INSR: variants seen among roughly 807,000 people sequenced by gnomAD.
The protein encoded by INSR is insulin receptor.
INSR carries 67 observed loss-of-function variants against 142.6 expected under a neutral mutation model. The observed-to-expected ratio is 0.47, with a 90% CI of 0.39 to 0.58. The LOEUF is 0.58. INSR is among the 20% of genes least tolerant of loss of function. The pLI, the probability that INSR is intolerant of heterozygous loss-of-function variation, is 0.00. For synonymous variants in INSR, 756 were observed against 743.1 expected, an observed-to-expected ratio of 1.02 and a Z score of -0.28; for missense variants, 1,248 against 1,833.2, an observed-to-expected ratio of 0.68 and a Z score of 5.83.
In INSR at chr19:7,158,456, A is replaced by G. The variant is rs371088706; in HGVS notation, c.2029+4576T>C. Among the ~76,000 whole-genome samples, 298 of 152,230 alleles carry G rather than the reference A, an allele frequency of 2.0e-3. 8 individuals carry two copies. The South Asian group carries it at 0.045, about 23-fold the overall frequency. On this transcript the variant is annotated intron_variant, in intron 9 of 21. Coordinates refer to ENST00000302850, the MANE Select transcript of INSR (RefSeq NM_000208.4). ...GCGGAGCTTGCAGTGAGCCGAGATC[A>G]CGCCACTGAACTCCAGCCTGGGTGA...
intron 2 of INSR, among the ~76,000 whole-genome samples, chr19:7,215,556 G>GTATTTATTTATTTATTTATTTATTTATT (rs146786396): frequency 1.3e-4 from 19 of 148,406 alleles, no homozygotes; most frequent in African/African-American, 4.2e-4. Flanking sequence ...TCCTTTTCCT[G>GTATTTATTTATTTATTTATTTATTTATT]TATTTATTTA....
At chr19:7,268,350 C>T (rs1464953518) in intron 1 of INSR, 1 of 822,182 alleles carries the variant, frequency 1.2e-6, no homozygotes, top group South Asian at 5.5e-5. Context: ...TCCCACCTCG[C>T]TGGCTGACTT....
chr19:7,194,443 C>T (rs954178180), intron 2 of INSR, among the ~76,000 whole-genome samples: 1 of 150,338 alleles, frequency 6.7e-6, no homozygotes, highest in African/African-American at 2.4e-5. Context: ...ATTATCTTTG[C>T]CTTATTACAA....
At chr19:7,217,267 C>T (rs1234226169) in intron 2 of INSR, among the ~76,000 whole-genome samples, 5 of 152,078 alleles carry the variant, frequency 3.3e-5, no homozygotes, top group African/African-American at 7.2e-5. Context: ...TTTTCTTGGC[C>T]GTAGCATTTC....
At chr19:7,167,135 A>G (rs1460733551) in intron 7 of INSR, among the ~76,000 whole-genome samples, 1 of 152,192 alleles carries the variant, frequency 6.6e-6, no homozygotes, top group African/African-American at 2.4e-5. Context: ...ATTTTGGAGC[A>G]TTATAAATTT....
chr19:7,256,127 T>A (rs1023148040), intron 2 of INSR, among the ~76,000 whole-genome samples: 41 of 152,146 alleles, frequency 2.7e-4, no homozygotes, highest in African/African-American at 9.6e-4. Context: ...TTATTTTATT[T>A]TAAAATAAAA....
intron 2 of INSR, 64 bp from the exon 3 acceptor site, chr19:7,184,701 A>G (rs1599959179): frequency 8.6e-7 from 1 of 1,163,474 alleles, no homozygotes; most frequent in South Asian, 2.1e-5. Context: ...TAAATAAATA[A>G]ATAAATGGCT....
intron 13 of INSR, among the ~76,000 whole-genome samples, chr19:7,138,411 G>A (rs1972991208): frequency 1.3e-5 from 2 of 152,126 alleles, no homozygotes; most frequent in African/African-American, 4.8e-5. Flanking sequence ...TTCTTGCTCT[G>A]TCACCCAGTC....
chr19:7,286,728 C>A (rs1435389453), intron 1 of INSR, among the ~76,000 whole-genome samples: 2 of 151,170 alleles, frequency 1.3e-5, no homozygotes, highest in African/African-American at 4.9e-5. Context: ...TTTTTTTTTC[C>A]TTTCTACACT....
intron 13 of INSR, among the ~76,000 whole-genome samples, chr19:7,133,847 G>A (rs1972843535): frequency 6.6e-6 from 1 of 152,204 alleles, no homozygotes; most frequent in Non-Finnish European, 1.5e-5. Flanking sequence ...GGGTGACAGA[G>A]CAAGACTCCA....
intron 1 of INSR, among the ~76,000 whole-genome samples, chr19:7,287,850 C>G (rs888544258): frequency 6.6e-6 from 1 of 152,184 alleles, no homozygotes; most frequent in Admixed American, 6.6e-5. Context: ...AAACGCTGTT[C>G]TGTAAAGGGC....
intron 1 of INSR, among the ~76,000 whole-genome samples, chr19:7,288,081 G>A (rs1185467828): frequency 6.6e-6 from 1 of 152,066 alleles, no homozygotes; most frequent in Non-Finnish European, 1.5e-5. Flanking sequence ...TCTTAGCTGG[G>A]CGCAATGGTT....
chr19:7,220,617 A>G (rs1200419490), intron 2 of INSR, among the ~76,000 whole-genome samples: 1 of 151,904 alleles, frequency 6.6e-6, no homozygotes, highest in Non-Finnish European at 1.5e-5. Flanking sequence ...ACTTGTGCCA[A>G]CTCTAGGTAG....
chr19:7,161,205 ATGAT>A (rs1388854782), intron 9 of INSR, among the ~76,000 whole-genome samples: 2 of 150,168 alleles, frequency 1.3e-5, no homozygotes, highest in African/African-American at 4.9e-5. Context: ...ATACAATAAA[ATGAT>A]TGCACAACAT....
chr19:7,222,341 AGG>A, intron 2 of INSR, among the ~76,000 whole-genome samples: 1 of 151,802 alleles, frequency 6.6e-6, no homozygotes, highest in African/African-American at 2.4e-5. Context: ...ACTCAGATAG[AGG>A]TCTGACTTTT....
chr19:7,125,567 C>G lies in INSR; in HGVS notation c.3014-40G>C. ...TCTACACAGCATCCTTGGAGGATCC[C>G]TTGGGGGTCTGCAGCCACCTTCCAC... On this transcript the variant is annotated intron_variant, in intron 16 of 21. Transcript: ENST00000302850. The surrounding 1 kb of genome is among the most constrained non-coding windows in gnomAD (Gnocchi z 4.9). The G allele has an allele frequency of 6.2e-7, 1 of 1,608,006 alleles. No homozygotes were observed. The highest frequency in any genetic ancestry group is 8.5e-7 in the Non-Finnish European group (1 of 1,179,894).
At chr19:7,286,321 A>C (rs1968343578) in intron 1 of INSR, among the ~76,000 whole-genome samples, 1 of 152,040 alleles carries the variant, frequency 6.6e-6, no homozygotes. Context: ...ACATAAACCA[A>C]TGGCACAGTT....
At position 7,122,086 on chromosome 19, in the gene INSR, G is replaced by A. The variant is rs1446300204; in HGVS notation, c.3529+528C>T. On this transcript the variant is annotated intron_variant, in intron 19 of 21. Transcript: ENST00000302850. Reference sequence around the variant, plus strand: ...TGAACCCAAGAGGTGGAGGTTCAGTGAGCCGAGATCCTGTCACTGCACTCC... The same window carrying A: ...TGAACCCAAGAGGTGGAGGTTCAGTAAGCCGAGATCCTGTCACTGCACTCC... 2.6e-5 allele frequency among the ~76,000 whole-genome samples: 4 copies of A among 151,340 alleles called. No individual in the cohort carries two copies. The South Asian group carries it at 6.2e-4, about 24-fold the overall frequency.
chr19:7,127,699 C>T (rs961582586), intron 15 of INSR, among the ~76,000 whole-genome samples: 1 of 152,128 alleles, frequency 6.6e-6, no homozygotes, highest in African/African-American at 2.4e-5. Context: ...ATTTGTTGTT[C>T]TGTTGTTTGT....
Sources: allele counts gnomAD v4.1 joint callset (sites outside exome capture counted in the v4.1 genomes callset), GRCh38; gene constraint gnomAD v4.1.1; non-coding constraint Gnocchi (gnomAD v3.1); transcripts MANE v1.5; gene names NCBI Gene and HGNC (gene_info 2026-07-23, HGNC 2026-07-21).